LRP1B: variants seen among roughly 807,000 people sequenced by gnomAD.
LRP1B encodes LDL receptor related protein 1B.
LRP1B carries 217 observed loss-of-function variants against 556.6 expected under a neutral mutation model. The ratio of observed to expected loss-of-function variants is 0.39; its 90% CI spans 0.35 to 0.44. The LOEUF (loss-of-function observed/expected upper bound fraction) is 0.44, where lower values mean the gene tolerates loss of function less well. Ranked by LOEUF, LRP1B falls within the 20% of genes least tolerant of loss-of-function variation. The pLI is 1.00. For synonymous variants in LRP1B, 2,047 were observed against 1,865.8 expected, an observed-to-expected ratio of 1.10 and a Z score of -2.50; for missense variants, 5,053 against 5,620.8, an observed-to-expected ratio of 0.90 and a Z score of 3.23.
chr2:141,951,290 C>T (rs1035459640), intron 1 of LRP1B, among the ~76,000 whole-genome samples: 3 of 152,004 alleles, frequency 2.0e-5, no homozygotes, highest in Middle Eastern at 3.2e-3. Context: ...ACCCGTTACC[C>T]GAGCAGTGTA....
In LRP1B at chr2:141,899,910, C is replaced by G. The variant is rs1436508860; in HGVS notation, c.83-89509G>C. ...TTTGAAGTGAAATCTCTACCCCCTGCTTGGCAAGTACTGTACTGACTGTGC... is the reference window on the plus strand; with the variant it reads ...TTTGAAGTGAAATCTCTACCCCCTGGTTGGCAAGTACTGTACTGACTGTGC... On this transcript the variant is annotated intron_variant, in intron 1 of 90. Coordinates refer to ENST00000389484, the MANE Select transcript of LRP1B (RefSeq NM_018557.3). Among the ~76,000 whole-genome samples the G allele has an allele frequency of 2.6e-5, 4 of 151,964 alleles. No homozygotes were observed. In the East Asian group the frequency reaches 7.8e-4, roughly 30 times the overall value.
intron 41 of LRP1B, among the ~76,000 whole-genome samples, chr2:140,651,627 A>T (rs1259377723): frequency 6.6e-6 from 1 of 152,084 alleles, no homozygotes; most frequent in Non-Finnish European, 1.5e-5. Flanking sequence ...GCAAAGAGAG[A>T]ATTGTAGTTC....
At chr2:141,553,995 TTA>T (rs1035801862) in intron 2 of LRP1B, among the ~76,000 whole-genome samples, 3 of 139,906 alleles carry the variant, frequency 2.1e-5, no homozygotes, top group South Asian at 2.3e-4. Flanking sequence ...TAGATATAGA[TTA>T]TATATATCTA....
At chr2:140,626,250 T>C (rs577947) in intron 41 of LRP1B, among the ~76,000 whole-genome samples, 104,799 of 152,052 alleles carry the variant, frequency 0.69, 36,364 homozygotes, top group African/African-American at 0.74. Flanking sequence ...CACAGATACA[T>C]TTTAGGGCAG....
At chr2:141,844,536 A>G (rs1215309262) in intron 1 of LRP1B, among the ~76,000 whole-genome samples, 1 of 152,110 alleles carries the variant, frequency 6.6e-6, no homozygotes, top group Non-Finnish European at 1.5e-5. Flanking sequence ...CAATGTCAGT[A>G]TATGGTAAAT....
At chr2:141,132,710 T>C (rs1442207158) in intron 7 of LRP1B, among the ~76,000 whole-genome samples, 2 of 151,936 alleles carry the variant, frequency 1.3e-5, no homozygotes, top group Non-Finnish European at 2.9e-5. Context: ...GAGAATACTA[T>C]CCAACTTAAA....
intron 1 of LRP1B, among the ~76,000 whole-genome samples, chr2:141,986,135 T>G (rs888628335): frequency 6.6e-6 from 1 of 151,910 alleles, no homozygotes; most frequent in African/African-American, 2.4e-5. Context: ...CTTATTATGT[T>G]TTTTCATCTT....
intron 7 of LRP1B, among the ~76,000 whole-genome samples, chr2:141,163,732 T>C (rs1405245034): frequency 6.6e-6 from 1 of 152,064 alleles, no homozygotes; most frequent in Non-Finnish European, 1.5e-5. Context: ...AAGATGTGCC[T>C]TCTGCCATAG....
chr2:140,943,110 A>C (rs530951631), intron 20 of LRP1B, among the ~76,000 whole-genome samples: 6 of 152,256 alleles, frequency 3.9e-5, no homozygotes, highest in Non-Finnish European at 7.4e-5. Context: ...CAAATGGAAA[A>C]CGAAAAACAG....
chr2:140,986,984 A>G (rs559243751), intron 17 of LRP1B, among the ~76,000 whole-genome samples: 2 of 152,296 alleles, frequency 1.3e-5, no homozygotes, highest in South Asian at 2.1e-4. Context: ...TCTAGCATAT[A>G]TGTCCATGTA....
At chr2:141,123,650 A>G (rs967824431) in intron 7 of LRP1B, among the ~76,000 whole-genome samples, 6 of 152,144 alleles carry the variant, frequency 3.9e-5, no homozygotes, top group Non-Finnish European at 8.8e-5. Context: ...TAAATAACAT[A>G]ACTTAAAACT....
At chr2:140,424,497 G>A (rs1003732974) in intron 66 of LRP1B, among the ~76,000 whole-genome samples, 1 of 152,072 alleles carries the variant, frequency 6.6e-6, no homozygotes, top group Non-Finnish European at 1.5e-5. Context: ...AAATTCACGA[G>A]CATTCATGAA....
At position 141,322,600 on chromosome 2, in the gene LRP1B, T is replaced by G. The variant is rs541329269; in HGVS notation, c.344-67959A>C. ...CACAATTAAGAATCTCTCTCTTTGC[T>G]GTGAGACTTGAGAGATGACGTATTT... On this transcript the variant is annotated intron_variant, in intron 3 of 90. Coordinates refer to ENST00000389484, the MANE Select transcript of LRP1B (RefSeq NM_018557.3). 2.0e-5 allele frequency among the ~76,000 whole-genome samples: 3 copies of G among 152,178 alleles called. No individual in the cohort carries two copies. In the South Asian group the frequency reaches 6.2e-4, roughly 32 times the overall value.
chr2:140,276,101 TG>T (rs776508335), intron 84 of LRP1B, among the ~76,000 whole-genome samples: 11 of 152,000 alleles, frequency 7.2e-5, no homozygotes, highest in Non-Finnish European at 1.5e-4. Context: ...CCTATTTAAT[TG>T]TGAAGCAATA....
chr2:141,273,747 T>G (rs1685177408), intron 3 of LRP1B, among the ~76,000 whole-genome samples: 1 of 152,214 alleles, frequency 6.6e-6, no homozygotes, highest in Non-Finnish European at 1.5e-5. Context: ...AACAAAAGTA[T>G]TTATGCTTCA....
intron 41 of LRP1B, among the ~76,000 whole-genome samples, chr2:140,641,387 G>A (rs968448298): frequency 3.9e-5 from 6 of 152,184 alleles, no homozygotes; most frequent in African/African-American, 1.4e-4. Flanking sequence ...CATTATGAGT[G>A]TCTTTATAAT....
In LRP1B at chr2:140,834,269, C is replaced by T. The variant is rs117906064; in HGVS notation, c.5209+5722G>A. Among the ~76,000 whole-genome samples, 135 of 152,258 alleles carry T rather than the reference C, an allele frequency of 8.9e-4. 1 individual carries two copies. The East Asian group carries it at 0.025, about 28-fold the overall frequency. On this transcript the variant is annotated intron_variant, in intron 31 of 90. Coordinates refer to ENST00000389484, the MANE Select transcript of LRP1B (RefSeq NM_018557.3). ...ATTATTATTTTTTGAGACGGAGTCG[C>T]TCACTCTGTCATCAGGCTGGAGTAC...
At chr2:141,626,596 T>C (rs1389162372) in intron 2 of LRP1B, among the ~76,000 whole-genome samples, 1 of 152,146 alleles carries the variant, frequency 6.6e-6, no homozygotes, top group East Asian at 1.9e-4. Flanking sequence ...CAAAAAACTC[T>C]TGAAACTCAA....
chr2:140,256,819 G>A (rs113766982), intron 86 of LRP1B, among the ~76,000 whole-genome samples: 5,890 of 151,366 alleles, frequency 0.039, 398 homozygotes, highest in African/African-American at 0.14. Context: ...TTTTTTTGCA[G>A]GTTTTTTGAG....
Sources: allele counts gnomAD v4.1 joint callset (sites outside exome capture counted in the v4.1 genomes callset), GRCh38; gene constraint gnomAD v4.1.1; transcripts MANE v1.5; gene names NCBI Gene and HGNC (gene_info 2026-07-23, HGNC 2026-07-21).